PDCD6: variants seen among roughly 807,000 people sequenced by gnomAD.
PDCD6 encodes programmed cell death 6, also known as programmed cell death protein 6.
Under a neutral mutation model 28.3 loss-of-function variants are expected in PDCD6, and 12 were observed. That is an observed-to-expected ratio of 0.42 (90% CI 0.27 to 0.69). PDCD6 has a LOEUF of 0.69. Ranked by LOEUF, PDCD6 falls within the 30% of genes least tolerant of loss-of-function variation. The pLI is 0.22. For missense variants in PDCD6, 226 were observed against 269.9 expected (o/e 0.84, Z 1.14); for synonymous variants, 92 against 108.0 (o/e 0.85, Z 0.92).
rs1026049437 is a variant in PDCD6 at position 276,070 on chromosome 5, T to A, written c.163+3298T>A. 4 of 1,179,586 alleles carry A rather than the reference T, an allele frequency of 3.4e-6. No individual in the cohort carries two copies. The African/African-American group carries it at 6.3e-5, about 19-fold the overall frequency. The allele number at this position is 1,179,586 out of a possible 1,614,324, so 73.1% of individuals were successfully genotyped here. On this transcript the variant is annotated intron_variant, in intron 2 of 5. Transcript: ENST00000264933. ...CTTGGCAACATTGTGAGACCCTGTT[T>A]CTACAAAAAGTAAATGAGTGTAGTG...
intron 2 of PDCD6, chr5:290,217 C>T: frequency 1.3e-6 from 2 of 1,559,026 alleles, no homozygotes; most frequent in Non-Finnish European, 1.8e-6. Flanking sequence ...TCTGTTTCTC[C>T]AGTCTTGGCT....
At chr5:304,832 C>A (rs1032397920) in intron 3 of PDCD6, 1 of 152,008 alleles carries the variant, frequency 6.6e-6, no homozygotes, top group African/African-American at 2.4e-5. Context: ...TCCAGGGTCT[C>A]CCCAGCTGTA....
At chr5:279,003 T>C (rs1412526229) in intron 2 of PDCD6, among the ~76,000 whole-genome samples, 1 of 152,130 alleles carries the variant, frequency 6.6e-6, no homozygotes, top group Non-Finnish European at 1.5e-5. Context: ...GCTAATATCT[T>C]GTTCTTCCCA....
intron 2 of PDCD6, among the ~76,000 whole-genome samples, chr5:297,524 A>G (rs943229892): frequency 2.0e-5 from 3 of 152,236 alleles, no homozygotes; most frequent in Non-Finnish European, 4.4e-5. Context: ...AGAGCTGCAC[A>G]CATTTCATGT....
intron 4 of PDCD6, chr5:308,794 C>T (rs1740704049): frequency 6.6e-6 from 1 of 152,212 alleles, no homozygotes; most frequent in South Asian, 2.1e-4. Flanking sequence ...CCGGGTGTCT[C>T]TGATGGGGCC....
chr5:286,982 G>A (rs981990175), intron 2 of PDCD6, among the ~76,000 whole-genome samples: 7 of 151,824 alleles, frequency 4.6e-5, no homozygotes, highest in African/African-American at 1.7e-4. Flanking sequence ...CTAGTTTGTG[G>A]GTCGTGGAGC....
chr5:305,532 G>A lies in PDCD6; in HGVS notation c.209-1070G>A, dbSNP rs975165641. The A allele has an allele frequency of 2.6e-5, 4 of 152,148 alleles. No individual in the cohort carries two copies. Among genetic ancestry groups the A allele is most frequent in the African/African-American group, 9.7e-5 (4 of 41,416 alleles). 9.4% of individuals were successfully genotyped at this position (152,148 alleles called of 1,614,324 possible). A position where few individuals can be genotyped will look rare whatever the true frequency, so the allele number is the denominator to read the frequency against. ...GTGCTAGAAAAGGTGTTGATACATG[G>A]GGAGCTACCTCCCCACCGGAGAGGA... On this transcript the variant is annotated intron_variant, in intron 3 of 5. Transcript: ENST00000264933. The surrounding 1 kb of genome is among the most constrained non-coding windows in gnomAD (Gnocchi z 4.0).
intron 2 of PDCD6, among the ~76,000 whole-genome samples, chr5:279,471 A>G (rs931103075): frequency 6.6e-6 from 1 of 152,112 alleles, no homozygotes; most frequent in Admixed American, 6.5e-5. Flanking sequence ...CCCTCAGCCT[A>G]GAGTCAAGGC....
At chr5:276,170 A>G (rs2126682055) in intron 2 of PDCD6, 1 of 994,952 alleles carries the variant, frequency 1.0e-6, no homozygotes. Context: ...TTGAGGCTGC[A>G]TTGAGCTGAG....
chr5:298,540 G>A (rs1470154693), intron 2 of PDCD6, among the ~76,000 whole-genome samples: 4 of 151,730 alleles, frequency 2.6e-5, no homozygotes, highest in Non-Finnish European at 4.4e-5. Flanking sequence ...ATGTGCAGAT[G>A]AGGGATTAGG....
At chr5:290,356 T>A in intron 2 of PDCD6, 1 of 1,069,460 alleles carries the variant, frequency 9.4e-7, no homozygotes, top group Non-Finnish European at 1.4e-6. Context: ...TCCGCCTCCC[T>A]CCGCAGGTCT....
At chr5:289,175 G>A (rs1322316517) in intron 2 of PDCD6, 2 of 939,902 alleles carry the variant, frequency 2.1e-6, no homozygotes, top group Non-Finnish European at 3.2e-6. Context: ...AGCAAATGTT[G>A]TTGTACTTAA....
intron 2 of PDCD6, among the ~76,000 whole-genome samples, chr5:302,710 A>T (rs1184204441): frequency 1.9e-4 from 18 of 93,980 alleles, no homozygotes; most frequent in South Asian, 7.4e-4. Context: ...TGTGTGGGCC[A>T]CGGGTTCAGG....
intron 2 of PDCD6, among the ~76,000 whole-genome samples, chr5:279,930 G>A (rs423849): frequency 6.9e-6 from 1 of 144,814 alleles, no homozygotes; most frequent in African/African-American, 2.6e-5. Context: ...AGTGCTAGGA[G>A]AGCATCTAGC....
intron 2 of PDCD6, among the ~76,000 whole-genome samples, chr5:297,586 A>T (rs1344053165): frequency 6.6e-6 from 1 of 152,170 alleles, no homozygotes; most frequent in African/African-American, 2.4e-5. Flanking sequence ...ACCATCACCA[A>T]ATCAAAGCAA....
chr5:290,331 G>T lies in PDCD6; in HGVS notation c.164-13846G>T, dbSNP rs533460934. The T allele has an allele frequency of 4.4e-5, 55 of 1,239,156 alleles. No individual in the cohort carries two copies. In the African/African-American group the frequency reaches 7.1e-4, roughly 16 times the overall value. The allele number at this position is 1,239,156 out of a possible 1,614,324, so 76.8% of individuals were successfully genotyped here. A position where few individuals can be genotyped will look rare whatever the true frequency, so the allele number is the denominator to read the frequency against. ...GACTCTCAACGTCCATGGCTTCCTG[G>T]AGTCCCTCACAGCCTCCGCCTCCCT... On this transcript the variant is annotated intron_variant, in intron 2 of 5. Coordinates refer to ENST00000264933, the MANE Select transcript of PDCD6 (RefSeq NM_013232.4).
chr5:299,491 T>C (rs1739883024), intron 2 of PDCD6, among the ~76,000 whole-genome samples: 1 of 151,758 alleles, frequency 6.6e-6, no homozygotes, highest in African/African-American at 2.4e-5. Flanking sequence ...TTAACTTTTT[T>C]CAAGTCTCTG....
intron 2 of PDCD6, among the ~76,000 whole-genome samples, chr5:291,436 C>G (rs1009455579): frequency 2.0e-5 from 3 of 149,648 alleles, no homozygotes; most frequent in Non-Finnish European, 4.4e-5. Context: ...CGTCTCCATT[C>G]TCTGCCTGAG....
At chr5:288,287 A>T (rs1038326462) in intron 2 of PDCD6, among the ~76,000 whole-genome samples, 3 of 89,028 alleles carry the variant, frequency 3.4e-5, no homozygotes, top group Non-Finnish European at 7.3e-5. Context: ...AAAATAATAT[A>T]TATATTATAT....
Sources: allele counts gnomAD v4.1 joint callset (sites outside exome capture counted in the v4.1 genomes callset), GRCh38; gene constraint gnomAD v4.1.1; non-coding constraint Gnocchi (gnomAD v3.1); transcripts MANE v1.5; gene names NCBI Gene and HGNC (gene_info 2026-07-23, HGNC 2026-07-21).